Variants in EFNB2 observed in about 807,000 individuals in gnomAD.
EFNB2 encodes the protein ephrin B2, also known as ephrin-B2.
In EFNB2, 5 loss-of-function variants were observed where a neutral mutation model predicts 32.1. That is an observed-to-expected ratio of 0.16 (90% CI 0.08 to 0.33). The LOEUF (loss-of-function observed/expected upper bound fraction) is 0.33. EFNB2 is among the 10% of genes least tolerant of loss of function. The pLI, the probability that EFNB2 is intolerant of heterozygous loss-of-function variation, is 1.00. For synonymous variants in EFNB2, 168 were observed against 166.5 expected, an observed-to-expected ratio of 1.01 and a Z score of -0.07; for missense variants, 263 against 422.6, an observed-to-expected ratio of 0.62 and a Z score of 3.31.
intron 4 of EFNB2, among the ~76,000 whole-genome samples, chr13:106,494,223 T>C (rs865853248): frequency 1.9e-4 from 29 of 152,308 alleles, no homozygotes; most frequent in African/African-American, 6.3e-4. Flanking sequence ...ACAACAATCC[T>C]AATACAAAAC....
rs954686567 is a variant in EFNB2 at position 106,535,203 on chromosome 13, T to G, written c.-239A>C. ...GCGCGGCGGCGCGGCGGACTCGGGGTTCCGGGGCGCCGCGCCGGACGCAGC... is the reference window on the plus strand; with the variant it reads ...GCGCGGCGGCGCGGCGGACTCGGGGGTCCGGGGCGCCGCGCCGGACGCAGC... On this transcript the variant is annotated 5_prime_UTR_variant, in exon 1 of 5. Transcript: ENST00000646441. The G allele has an allele frequency of 6.0e-6, 1 of 165,518 alleles. No homozygotes were observed. The highest frequency in any genetic ancestry group is 2.5e-5 in the African/African-American group (1 of 40,388). 10.3% of individuals were successfully genotyped at this position (165,518 alleles called of 1,614,324 possible). A position where few individuals can be genotyped will look rare whatever the true frequency, so the allele number is the denominator to read the frequency against.
In EFNB2 at chr13:106,522,906, T is replaced by C. The variant is rs41445545; in HGVS notation, c.123-10094A>G. Reference sequence around the variant, plus strand: ...GGGTGCTCAATAGGTGGCTGTGTAATTAAAGAATGAACAAATTAATAAGGC... The same window carrying C: ...GGGTGCTCAATAGGTGGCTGTGTAACTAAAGAATGAACAAATTAATAAGGC... On this transcript the variant is annotated intron_variant, in intron 1 of 4. Coordinates refer to ENST00000646441, the MANE Select transcript of EFNB2 (RefSeq NM_004093.4). Among the ~76,000 whole-genome samples, 1,109 of 152,242 alleles carry C rather than the reference T, an allele frequency of 7.3e-3. 11 individuals are homozygous for C. Among genetic ancestry groups the C allele is most frequent in the African/African-American group, 0.025 (1,053 of 41,528 alleles).
intron 1 of EFNB2, among the ~76,000 whole-genome samples, chr13:106,530,089 G>A (rs181509277): frequency 6.6e-6 from 1 of 152,314 alleles, no homozygotes; most frequent in Non-Finnish European, 1.5e-5. Flanking sequence ...GCATGTCAAC[G>A]GTTTACATCT....
At chr13:106,529,998 T>G (rs1879821704) in intron 1 of EFNB2, among the ~76,000 whole-genome samples, 1 of 152,210 alleles carries the variant, frequency 6.6e-6, no homozygotes, top group South Asian at 2.1e-4. Context: ...ACAAAATGGA[T>G]TACTAAAGAA....
intron 1 of EFNB2, chr13:106,517,529 GA>G (rs1162411194): frequency 6.6e-6 from 1 of 152,200 alleles, no homozygotes; most frequent in African/African-American, 2.4e-5. Flanking sequence ...CCTGGGAGGG[GA>G]AGGCTGCCTC....
intron 1 of EFNB2, chr13:106,521,083 GCC>G (rs988733330): frequency 1.8e-4 from 27 of 152,160 alleles, no homozygotes; most frequent in African/African-American, 6.3e-4. Context: ...TTTCACAGGT[GCC>G]CCTTCTTTCA....
At chr13:106,506,933 C>G (rs1056542873) in intron 2 of EFNB2, among the ~76,000 whole-genome samples, 2 of 152,158 alleles carry the variant, frequency 1.3e-5, no homozygotes, top group African/African-American at 4.8e-5. Flanking sequence ...CCCAGACTCT[C>G]AACCTAAGAT....
chr13:106,500,261 C>T (rs1049921585), intron 2 of EFNB2, among the ~76,000 whole-genome samples: 4 of 152,150 alleles, frequency 2.6e-5, no homozygotes, highest in Non-Finnish European at 4.4e-5. Flanking sequence ...GTTTAGTCCA[C>T]CACATTGCTA....
In EFNB2 at chr13:106,509,110, G is replaced by A. The variant is rs567000124; in HGVS notation, c.406+3419C>T. Among the ~76,000 whole-genome samples, 452 of 152,184 alleles carry A rather than the reference G, an allele frequency of 3.0e-3. 1 individual carries two copies. Among genetic ancestry groups the A allele is most frequent in the African/African-American group, 0.01 (435 of 41,524 alleles). ...CCAGAACAATGACAATACTAAAAGC[G>A]TTTTTTAGGGAAATAAATTAAAGTT... On this transcript the variant is annotated intron_variant, in intron 2 of 4. Coordinates refer to ENST00000646441, the MANE Select transcript of EFNB2 (RefSeq NM_004093.4).
At chr13:106,521,006 G>A (rs1396236151) in intron 1 of EFNB2, 3 of 152,148 alleles carry the variant, frequency 2.0e-5, no homozygotes, top group African/African-American at 4.8e-5. Context: ...AAATAAGGTA[G>A]TGATTGGAGG....
chr13:106,533,412 A>G (rs950659687), intron 1 of EFNB2, among the ~76,000 whole-genome samples: 1 of 152,190 alleles, frequency 6.6e-6, no homozygotes, highest in Non-Finnish European at 1.5e-5. Context: ...CAAATACAAC[A>G]ATTTACATTA....
In EFNB2 at chr13:106,498,064, G is replaced by A. The variant is rs189850796; in HGVS notation, c.407-2224C>T. ...CATAAATGAACCTACACGCAAAAGT[G>A]CACTCAAACTCAAAGTTAACTTACT... On this transcript the variant is annotated intron_variant, in intron 2 of 4. Transcript: ENST00000646441. Among the ~76,000 whole-genome samples the A allele has an allele frequency of 5.4e-4, 82 of 152,140 alleles. 1 individual carries two copies. Among genetic ancestry groups the A allele is most frequent in the Non-Finnish European group, 4.6e-4 (31 of 68,002 alleles).
chr13:106,532,197 A>G (rs574575617), intron 1 of EFNB2, among the ~76,000 whole-genome samples: 1 of 152,166 alleles, frequency 6.6e-6, no homozygotes, highest in Non-Finnish European at 1.5e-5. Flanking sequence ...TCTTTCCATT[A>G]TTACATACAG....
In EFNB2 at chr13:106,491,551, TC is replaced by T. The variant is rs1878404847; in HGVS notation, c.*1488del. The T allele has an allele frequency of 6.6e-6, 1 of 152,528 alleles. No individual in the cohort carries two copies. The highest frequency in any genetic ancestry group is 1.5e-5 in the Non-Finnish European group (1 of 68,040). 9.4% of individuals were successfully genotyped at this position (152,528 alleles called of 1,614,324 possible). On this transcript the variant is annotated 3_prime_UTR_variant, in exon 5 of 5. Transcript: ENST00000646441. ...TTATAAATACGTCCTATCTTCCTTC[TC>T]CCCCTGGACATCATAATTTACTTCC...
At chr13:106,515,406 G>A (rs1266263636) in intron 1 of EFNB2, among the ~76,000 whole-genome samples, 1 of 152,104 alleles carries the variant, frequency 6.6e-6, no homozygotes, top group Non-Finnish European at 1.5e-5. Flanking sequence ...GAAGTGTGGT[G>A]GGGAGGCTCA....
rs773886258 is a variant in EFNB2 at position 106,495,000 on chromosome 13, T to C, written c.500-6A>G. The C allele has an allele frequency of 1.9e-6, 3 of 1,611,054 alleles. No homozygotes were observed. The highest frequency in any genetic ancestry group is 2.5e-6 in the Non-Finnish European group (3 of 1,177,246). On this transcript the variant is annotated splice_polypyrimidine_tract_variant and splice_region_variant and intron_variant, in intron 3 of 4. Coordinates refer to ENST00000646441, the MANE Select transcript of EFNB2 (RefSeq NM_004093.4). ...TGATCCAGCAGAACTTGCATCTATA[T>C]GAAAAACAAATGATTAATTACGGCA...
chr13:106,497,809 G>A (rs1165662204), intron 2 of EFNB2, among the ~76,000 whole-genome samples: 2 of 152,010 alleles, frequency 1.3e-5, no homozygotes, highest in South Asian at 4.1e-4. Flanking sequence ...CCTCCCAGAG[G>A]CTTCAAACTA....
At chr13:106,527,281 TA>T (rs942402079) in intron 1 of EFNB2, among the ~76,000 whole-genome samples, 1 of 151,580 alleles carries the variant, frequency 6.6e-6, no homozygotes, top group East Asian at 1.9e-4. Context: ...TAATAATACA[TA>T]AAAACAACAA....
At chr13:106,534,274 C>T (rs1366178459) in intron 1 of EFNB2, among the ~76,000 whole-genome samples, 1 of 152,188 alleles carries the variant, frequency 6.6e-6, no homozygotes, top group Non-Finnish European at 1.5e-5. Context: ...CAGGCGAGCT[C>T]CCCGCGCACC....
Sources: allele counts gnomAD v4.1 joint callset (sites outside exome capture counted in the v4.1 genomes callset), GRCh38; gene constraint gnomAD v4.1.1; transcripts MANE v1.5; gene names NCBI Gene and HGNC (gene_info 2026-07-23, HGNC 2026-07-21).